ATP2A3: variants seen among roughly 807,000 people sequenced by gnomAD.
ATP2A3 encodes the protein sarcoplasmic/endoplasmic reticulum calcium ATPase 3.
Under a neutral mutation model 106.8 loss-of-function variants are expected in ATP2A3, and 61 were observed. The observed-to-expected ratio is 0.57, with a 90% CI of 0.46 to 0.71. ATP2A3 has a LOEUF of 0.71. Ranked by LOEUF, ATP2A3 falls within the 30% of genes least tolerant of loss-of-function variation. ATP2A3 has a pLI of 0.00. For missense variants in ATP2A3, 1,201 were observed against 1,423.5 expected (o/e 0.84, Z 2.52); for synonymous variants, 611 against 609.3 (o/e 1.00, Z -0.04).
chr17:3,943,100 C>A (rs950636857), intron 11 of ATP2A3, among the ~76,000 whole-genome samples: 1 of 152,118 alleles, frequency 6.6e-6, no homozygotes, highest in Non-Finnish European at 1.5e-5. Flanking sequence ...CTAGCCCGGA[C>A]AACATGGTGA....
rs1374447717 is a variant in ATP2A3 at position 3,947,289 on chromosome 17, C to G, written c.1095+102G>C. 7 of 1,404,098 alleles carry G rather than the reference C, an allele frequency of 5.0e-6. No individual in the cohort carries two copies. In the Admixed American group the frequency reaches 9.2e-5, roughly 18 times the overall value. The allele number at this position is 1,404,098 out of a possible 1,614,324, so 87.0% of individuals were successfully genotyped here. A position where few individuals can be genotyped will look rare whatever the true frequency, so the allele number is the denominator to read the frequency against. On this transcript the variant is annotated intron_variant, in intron 8 of 20. Transcript: ENST00000397041. This position sits in a 1 kb window ranked among gnomAD's most constrained non-coding sequence, Gnocchi z 7.7. ...TGGGCCAAGGGACAGCCCACAGATT[C>G]TCTCCTCCATCCCTCACTGAAAAGG...
chr17:3,945,023 G>A, intron 9 of ATP2A3, 37 bp downstream of exon 9: 3 of 1,470,790 alleles, frequency 2.0e-6, no homozygotes, highest in Non-Finnish European at 2.7e-6. Flanking sequence ...CCCGCCCCCA[G>A]GCCGCCCGCC....
Position 3,925,821 on chromosome 17 carries a change from A to G in ATP2A3, c.2981-380T>C, listed in dbSNP as rs12451658. Among the ~76,000 whole-genome samples the G allele has an allele frequency of 0.15, 22,194 of 151,762 alleles. 2,175 individuals carry two copies. Among genetic ancestry groups the G allele is most frequent in the East Asian group, 0.52 (2,674 of 5,130 alleles). On this transcript the variant is annotated intron_variant, in intron 20 of 20. Coordinates refer to ENST00000397041, the MANE Select transcript of ATP2A3 (RefSeq NM_005173.4). The surrounding 1 kb of genome is among the most constrained non-coding windows in gnomAD (Gnocchi z 4.2). ...GATTTCACCCAAATTGCGAGAGCTC[A>G]TCTCTCCCACTGCCTTCCCCAACCA... is the stretch of plus-strand genomic sequence containing the variant.
chr17:3,951,546 G>GGCCCCCCC, intron 4 of ATP2A3, 35 bp downstream of exon 4: 13 of 1,319,560 alleles, frequency 9.9e-6, no homozygotes, highest in South Asian at 1.3e-5. Flanking sequence ...CTGGGAGACC[G>GGCCCCCCC]CCCCCCGCCC....
At position 3,943,382 on chromosome 17, in the gene ATP2A3, C is replaced by A; in HGVS notation, c.1419+9G>T. The A allele has an allele frequency of 6.2e-7, 1 of 1,613,704 alleles. No individual in the cohort carries two copies. The highest frequency in any genetic ancestry group is 8.5e-7 in the Non-Finnish European group (1 of 1,179,988). ...GCAGCCGGAGGCCTGAGCCCCCAGC[C>A]CTGCTCACCGTGTTACAGGCGCCAG... On this transcript the variant is annotated intron_variant, in intron 11 of 20. Coordinates refer to ENST00000397041, the MANE Select transcript of ATP2A3 (RefSeq NM_005173.4).
In ATP2A3 at chr17:3,930,843, A is replaced by C; in HGVS notation, c.2611-409T>G. On this transcript the variant is annotated intron_variant, in intron 17 of 20. Transcript: ENST00000397041. This position sits in a 1 kb window ranked among gnomAD's most constrained non-coding sequence, Gnocchi z 5.4. ...GATGAAGGCTACGCAGGCCCTGTTC[A>C]CTGTTATTAAGATTCCATTTACAGC... 3.0e-6 allele frequency: 1 copy of C among 336,192 alleles called. No individual in the cohort carries two copies. Among genetic ancestry groups the C allele is most frequent in the Non-Finnish European group, 5.9e-6 (1 of 170,910 alleles). The allele number at this position is 336,192 out of a possible 1,614,324, so 20.8% of individuals were successfully genotyped here.
chr17:3,942,802 C>T, intron 11 of ATP2A3, 71 bp from the exon 12 acceptor site: 7 of 1,597,490 alleles, frequency 4.4e-6, no homozygotes, highest in East Asian at 2.2e-5. Context: ...CCACCAACTG[C>T]TTGGCCCCAA....
At chr17:3,937,303 G>T (rs2053504072) in intron 15 of ATP2A3, 113 bp downstream of exon 15, 3 of 1,261,402 alleles carry the variant, frequency 2.4e-6, no homozygotes, top group South Asian at 2.6e-5. Context: ...CCCAGCCAGG[G>T]CAGGGCACAG....
chr17:3,933,775 C>T (rs898999371), intron 17 of ATP2A3, among the ~76,000 whole-genome samples: 17 of 151,546 alleles, frequency 1.1e-4, no homozygotes, highest in Non-Finnish European at 4.4e-5. Flanking sequence ...CGGGCTGGAG[C>T]TTCTGCCTCA....
At position 3,937,421 on chromosome 17, in the gene ATP2A3, G is replaced by A. The variant is rs781239297; in HGVS notation, c.2316C>T (p.Val772=). The A allele has an allele frequency of 5.0e-6, 8 of 1,612,622 alleles. No homozygotes were observed. The highest frequency in any genetic ancestry group is 2.2e-5 in the East Asian group (1 of 44,870). The part of the protein sequence containing the change: ...RYLISSNVGE[V]VCIFLTAILG... ...GAGGGAAGGCCCGGCCTCACCAGAC[G>A]ACCTCGCCAACATTGGAGGAGATGA... The change falls in exon 15 of 21, where the codon GTC becomes GTT. Residue 772 remains valine (V), a synonymous_variant. Transcript: ENST00000397041.
At chr17:3,927,085 G>C (rs990548722) in intron 20 of ATP2A3, 7 of 985,290 alleles carry the variant, frequency 7.1e-6, no homozygotes, top group African/African-American at 3.5e-5. Flanking sequence ...GTTCAATCCT[G>C]TTCTTTCCAA....
At chr17:3,949,702 T>C (rs2054306162) in intron 7 of ATP2A3, among the ~76,000 whole-genome samples, 1 of 152,240 alleles carries the variant, frequency 6.6e-6, no homozygotes, top group Non-Finnish European at 1.5e-5. Context: ...AGAGTACTTA[T>C]TTCAAAGATT....
chr17:3,947,759 C>T lies in ATP2A3; in HGVS notation c.727G>A (p.Glu243Lys), dbSNP rs367933381. ...GKIRSQMAAV[E>K]PERTPLQRKL... is the part of the protein sequence containing the mutation. ...CGCTGCAGCGGCGTCCGCTCGGGCT[C>T]GACTGCCGCCATCTGGCTCCGGATC... Residue 243 changes from glutamate to lysine, a missense_variant, in exon 8 of 21, where the codon GAG (glutamate) becomes AAG (lysine). Physicochemically the swap from Glu to Lys is moderately conservative, Grantham distance 56 (BLOSUM62 1). Around this residue, in one of 2 missense-constraint regions of ATP2A3, gnomAD observed 935 missense variants for 1,176.7 expected, o/e 0.79. Transcript: ENST00000397041. This position sits in a 1 kb window ranked among gnomAD's most constrained non-coding sequence, Gnocchi z 7.7. The T allele has an allele frequency of 4.4e-6, 7 of 1,605,186 alleles. No homozygotes were observed. The highest frequency in any genetic ancestry group is 4.0e-5 in the African/African-American group (3 of 74,936).
intron 17 of ATP2A3, among the ~76,000 whole-genome samples, chr17:3,931,192 C>A (rs1250282533): frequency 6.6e-6 from 1 of 152,036 alleles, no homozygotes; most frequent in African/African-American, 2.4e-5. Flanking sequence ...ATTTCTGCCA[C>A]TGAAACTGAA....
At chr17:3,934,940 C>G in intron 17 of ATP2A3, 1 of 530,296 alleles carries the variant, frequency 1.9e-6, no homozygotes, top group Non-Finnish European at 3.4e-6. Context: ...TAAGATACAT[C>G]TGGCAGTGAG....
Position 3,955,496 on chromosome 17 carries a change from G to A in ATP2A3, c.119-1786C>T, listed in dbSNP as rs1011592024. Reference sequence around the variant, plus strand: ...AATGTAATCTCCAGTGTCCTGCGTCGAGATTAAAATCAAACAGACTTTTTC... The same window carrying A: ...AATGTAATCTCCAGTGTCCTGCGTCAAGATTAAAATCAAACAGACTTTTTC... On this transcript the variant is annotated intron_variant, in intron 1 of 20. Transcript: ENST00000397041. This position sits in a 1 kb window ranked among gnomAD's most constrained non-coding sequence, Gnocchi z 4.2. Among the ~76,000 whole-genome samples, 12 of 152,164 alleles carry A rather than the reference G, an allele frequency of 7.9e-5. No individual in the cohort carries two copies. The highest frequency in any genetic ancestry group is 7.2e-4 in the Admixed American group (11 of 15,278).
At chr17:3,946,956 A>G (rs758150582) in intron 8 of ATP2A3, among the ~76,000 whole-genome samples, 14 of 152,338 alleles carry the variant, frequency 9.2e-5, no homozygotes, top group Admixed American at 2.6e-4. Flanking sequence ...GGCCCTTCCC[A>G]GGTTACCGGA....
chr17:3,945,032 C>T (rs1163853018), intron 9 of ATP2A3, 28 bp downstream of exon 9: 3 of 1,486,206 alleles, frequency 2.0e-6, no homozygotes, highest in African/African-American at 1.5e-5. Flanking sequence ...AGGCCGCCCG[C>T]CCGCGCGTCC....
At chr17:3,957,094 G>C (rs571354098) in intron 1 of ATP2A3, among the ~76,000 whole-genome samples, 3 of 152,358 alleles carry the variant, frequency 2.0e-5, no homozygotes, top group Admixed American at 2.0e-4. Flanking sequence ...GCTGGGGACC[G>C]AGCACGTGAG....
Sources: gnomAD v4.1 joint callset for allele counts (sites outside exome capture counted in the v4.1 genomes callset) on GRCh38, gnomAD v4.1.1 for gene constraint, gnomAD v4.1.1 regional missense constraint, Gnocchi (gnomAD v3.1) non-coding constraint, MANE v1.5 for transcripts, NCBI Gene and HGNC (gene_info 2026-07-23, HGNC 2026-07-21) for gene names.